The following PRRC2A variants were observed in gnomAD, a reference collection of about 807,000 sequenced individuals.
PRRC2A encodes the protein proline rich coiled-coil 2A.
In PRRC2A, 59 loss-of-function variants were observed where a neutral mutation model predicts 224.6. The ratio of observed to expected loss-of-function variants is 0.26; its 90% confidence interval spans 0.21 to 0.33. PRRC2A has a LOEUF of 0.33. Ranked by LOEUF, PRRC2A falls within the 10% of genes least tolerant of loss-of-function variation. The probability of loss-of-function intolerance (pLI) is 1.00; values close to 1 mark genes in which losing one functional copy is unlikely to be tolerated. For missense variants in PRRC2A, 3,095 were observed against 2,880.7 expected (o/e 1.07, Z -1.70); for synonymous variants, 1,194 against 1,109.5 (o/e 1.08, Z -1.51).
At position 31,637,484 on chromosome 6, in the gene PRRC2A, T is replaced by C. The variant is rs927529907; in HGVS notation, c.6372T>C (p.Pro2124=). The C allele has an allele frequency of 8.3e-6, 13 of 1,573,762 alleles. No homozygotes were observed. The highest frequency in any genetic ancestry group is 1.0e-5 in the Non-Finnish European group (12 of 1,159,350). Reference sequence around the variant, plus strand: ...ATGCCCTGCGCTGGATACCTAAGCCTTGGGAGCGGACAGGGCCGCCACCTC... The same window carrying C: ...ATGCCCTGCGCTGGATACCTAAGCCCTGGGAGCGGACAGGGCCGCCACCTC... ...PPDALRWIPK[P]WERTGPPPRE... is the part of the protein sequence containing the mutation. Residue 2124 remains proline (P), a synonymous_variant, in exon 31 of 31, where the codon CCT becomes CCC. Coordinates refer to ENST00000376033, the MANE Select transcript of PRRC2A (RefSeq NM_004638.4).
In PRRC2A at chr6:31,631,649, G is replaced by A. The variant is rs1162657593; in HGVS notation, c.2976G>A (p.Gly992=). The A allele has an allele frequency of 1.1e-5, 16 of 1,515,450 alleles. No homozygotes were observed. The highest frequency in any genetic ancestry group is 1.4e-5 in the Non-Finnish European group (16 of 1,134,226). 93.9% of individuals were successfully genotyped at this position (1,515,450 alleles called of 1,614,324 possible). Residue 992 remains glycine (G), a synonymous_variant, in exon 16 of 31, where the codon GGG becomes GGA. Coordinates refer to ENST00000376033, the MANE Select transcript of PRRC2A (RefSeq NM_004638.4). This position sits in a 1 kb window ranked among gnomAD's most constrained non-coding sequence, Gnocchi z 4.5. The part of the protein sequence containing the change: ...DPLKITKGKL[G]GPKETPPNGN... The stretch of plus-strand genomic sequence containing the variant: ...TCAAGATAACCAAGGGGAAGCTAGG[G>A]GGCCCCAAGGAGACCCCACCCAATG...
rs1776579274 is a variant in PRRC2A, at chr6:31,631,534, A to G, written c.2861A>G (p.Lys954Arg). The change falls in exon 16 of 31, where the codon AAA becomes AGA. Residue 954 changes from lysine (K) to arginine (R), a missense_variant. By Grantham distance (26) the Lys-to-Arg change is conservative (BLOSUM62 2). Transcript: ENST00000376033. The surrounding 1 kb of genome is among the most constrained non-coding windows in gnomAD (Gnocchi z 4.5). ...APPRRAGPIK[K>R]PPPPTKVEEL... The stretch of plus-strand genomic sequence containing the variant: ...CCCCGCCGGGCTGGGCCTATAAAGA[A>G]ACCTCCACCACCTACAAAAGTAGAA... 1 of 1,595,222 alleles carries G rather than the reference A, an allele frequency of 6.3e-7. No homozygotes were observed. Among genetic ancestry groups the G allele is most frequent in the East Asian group, 2.2e-5 (1 of 44,670 alleles).
rs777743606 is a variant in PRRC2A at position 31,627,832 on chromosome 6, G to A, written c.1358G>A (p.Arg453Gln). The A allele has an allele frequency of 7.4e-6, 12 of 1,612,974 alleles. No homozygotes were observed. Among genetic ancestry groups the A allele is most frequent in the South Asian group, 3.3e-5 (3 of 91,088 alleles). ...GAGGATGAGGCATGGCGGCAGCGAC[G>A]AAAGCAGTCGTCATCTGAGATTTCC... ...EDEDEAWRQR[R>Q]KQSSSEISLA... Residue 453 changes from arginine (R) to glutamine (Q), a missense_variant, in exon 12 of 31, where the codon CGA becomes CAA. By Grantham distance (43) the Arg-to-Gln change is conservative (BLOSUM62 1). Around this residue, in one of 8 missense-constraint regions of PRRC2A, gnomAD observed 2,001 missense variants for 1,764.9 expected, o/e 1.13. Transcript: ENST00000376033. The surrounding 1 kb of genome is among the most constrained non-coding windows in gnomAD (Gnocchi z 5.6).
chr6:31,626,931 G>A, intron 10 of PRRC2A, 51 bp from the exon 11 acceptor site: 1 of 1,608,064 alleles, frequency 6.2e-7, no homozygotes, highest in Non-Finnish European at 8.5e-7. Context: ...TACTCTTAGA[G>A]GAGTATATTA....
At chr6:31,623,146 T>G (rs1467155406) in intron 2 of PRRC2A, 1 of 747,734 alleles carries the variant, frequency 1.3e-6, no homozygotes, top group Non-Finnish European at 2.5e-6. Context: ...AAAATAAATG[T>G]GGATTTGGGA....
rs1374687726 is a variant in PRRC2A, at chr6:31,635,439, A to G, written c.5347A>G (p.Lys1783Glu). Reference protein sequence around the residue: ...LVVGDSLKAEKELTASVTEAI... With the variant: ...LVVGDSLKAEEELTASVTEAI... ...GGTAGGAGACAGCTTGAAAGCAGAG[A>G]AGGAGCTAACAGCATCAGTCACTGA... is the stretch of plus-strand genomic sequence containing the variant. The change falls in exon 23 of 31, where the codon AAG becomes GAG. Residue 1783 changes from lysine to glutamate, a missense_variant. Around this residue, in one of 8 missense-constraint regions of PRRC2A, gnomAD observed 662 missense variants for 609.5 expected, o/e 1.09. Coordinates refer to ENST00000376033, the MANE Select transcript of PRRC2A (RefSeq NM_004638.4). The G allele has an allele frequency of 1.9e-6, 3 of 1,614,080 alleles. No homozygotes were observed. The highest frequency in any genetic ancestry group is 1.7e-5 in the Admixed American group (1 of 60,010).
chr6:31,629,054 G>C, intron 12 of PRRC2A, 90 bp from the exon 13 acceptor site: 1 of 1,306,066 alleles, frequency 7.7e-7, no homozygotes, highest in Non-Finnish European at 1.1e-6. Flanking sequence ...TAGTCTTAAG[G>C]GAGCTAGAGA....
rs765588462 is a variant in PRRC2A, at chr6:31,627,168, C to T, written c.1260C>T (p.Ala420=). Residue 420 remains alanine (A), a synonymous_variant, in exon 11 of 31, where the codon GCC becomes GCT. Coordinates refer to ENST00000376033, the MANE Select transcript of PRRC2A (RefSeq NM_004638.4). This position sits in a 1 kb window ranked among gnomAD's most constrained non-coding sequence, Gnocchi z 5.6. ...TACCCCCACCTCACCGGGGCCCCGC[C>T]GGGAACTGGGGCCCCCCTGGGGACT... is the stretch of plus-strand genomic sequence containing the variant. ...PPLPPPHRGP[A]GNWGPPGDYP... 4.0e-5 allele frequency: 64 copies of T among 1,612,764 alleles called. No individual in the cohort carries two copies. The highest frequency in any genetic ancestry group is 4.9e-5 in the Non-Finnish European group (58 of 1,179,488).
chr6:31,624,733 C>G (rs1400135310), intron 5 of PRRC2A, among the ~76,000 whole-genome samples: 1 of 151,958 alleles, frequency 6.6e-6, no homozygotes, highest in Non-Finnish European at 1.5e-5. Flanking sequence ...GGGGAATAAG[C>G]AGTTATTCTG....
intron 5 of PRRC2A, 44 bp downstream of exon 5, chr6:31,624,566 G>A: frequency 6.4e-7 from 1 of 1,560,134 alleles, no homozygotes; most frequent in Non-Finnish European, 8.8e-7. Flanking sequence ...GGGCACCATG[G>A]GATGCATGAA....
rs1776492215 is a variant in PRRC2A at position 31,631,044 on chromosome 6, A to G, written c.2466-95A>G. 2.3e-6 allele frequency: 3 copies of G among 1,328,380 alleles called. No homozygotes were observed. The South Asian group carries it at 4.3e-5, about 19-fold the overall frequency. The allele number at this position is 1,328,380 out of a possible 1,614,324, so 82.3% of individuals were successfully genotyped here. Reference sequence around the variant, plus strand: ...CTGCCAAAACAAACAGAAAAATAGTAAAAGAGAGTCTGCATCATAATAAAG... The same window carrying G: ...CTGCCAAAACAAACAGAAAAATAGTGAAAGAGAGTCTGCATCATAATAAAG... On this transcript the variant is annotated intron_variant, in intron 15 of 30. Coordinates refer to ENST00000376033, the MANE Select transcript of PRRC2A (RefSeq NM_004638.4). This position sits in a 1 kb window ranked among gnomAD's most constrained non-coding sequence, Gnocchi z 4.5.
chr6:31,621,536 TATTC>T (rs2150486413), intron 1 of PRRC2A, among the ~76,000 whole-genome samples: 1 of 152,198 alleles, frequency 6.6e-6, no homozygotes, highest in South Asian at 2.1e-4. Context: ...CCTGCTTTCG[TATTC>T]ATTATTTTCT....
In PRRC2A at chr6:31,623,888, A is replaced by C; in HGVS notation, c.269A>C (p.Gln90Pro). The change falls in exon 3 of 31, where the codon CAG (glutamine) becomes CCG (proline). Residue 90 changes from glutamine to proline, a missense_variant. By Grantham distance (76) the Gln-to-Pro change is moderately conservative (BLOSUM62 -1). Transcript: ENST00000376033. ...PKDGTGWASK[Q>P]EQSDPKSSDA... ...GACGGAACAGGATGGGCAAGCAAAC[A>C]GGAGCAGTCCGACCCCAAGAGGTAG... is the stretch of plus-strand genomic sequence containing the variant. 1 of 1,614,196 alleles carries C rather than the reference A, an allele frequency of 6.2e-7. No homozygotes were observed. The highest frequency in any genetic ancestry group is 8.5e-7 in the Non-Finnish European group (1 of 1,180,026).
chr6:31,634,664 C>T, intron 20 of PRRC2A, 89 bp from the exon 21 acceptor site: 1 of 1,565,578 alleles, frequency 6.4e-7, no homozygotes. Context: ...ACTTGGCTGT[C>T]CCCTTTCTGC....
intron 1 of PRRC2A, 27 bp from the exon 2 acceptor site, chr6:31,622,663 T>C (rs1775422779): frequency 1.5e-6 from 1 of 680,532 alleles, no homozygotes; most frequent in Non-Finnish European, 2.6e-6. Flanking sequence ...CAATGGAGTT[T>C]TTAAGTTTCT....
At position 31,622,722 on chromosome 6, in the gene PRRC2A, C is replaced by A; in HGVS notation, c.-68C>A. On this transcript the variant is annotated 5_prime_UTR_variant, in exon 2 of 31. Transcript: ENST00000376033. ...AGACTGAGACACTTGCTGTCTGGCC[C>A]ACAGGCTCTGGCACGTTTTGGGGGA... The A allele has an allele frequency of 1.7e-6, 2 of 1,208,368 alleles. No individual in the cohort carries two copies. The highest frequency in any genetic ancestry group is 1.2e-6 in the Non-Finnish European group (1 of 821,872). The allele number at this position is 1,208,368 out of a possible 1,614,324, so 74.9% of individuals were successfully genotyped here.
At chr6:31,629,001 A>C (rs1250512875) in intron 12 of PRRC2A, 143 bp from the exon 13 acceptor site, 2 of 855,362 alleles carry the variant, frequency 2.3e-6, no homozygotes, top group African/African-American at 3.4e-5. Flanking sequence ...ATGGGTCTTA[A>C]ATGGGAGGGG....
rs1277559844 is a variant in PRRC2A at position 31,636,494 on chromosome 6, C to T, written c.5836-16C>T. 6.2e-7 allele frequency: 1 copy of T among 1,608,970 alleles called. No individual in the cohort carries two copies. Among genetic ancestry groups the T allele is most frequent in the South Asian group, 1.1e-5 (1 of 90,944 alleles). On this transcript the variant is annotated splice_polypyrimidine_tract_variant and intron_variant, in intron 26 of 30. Transcript: ENST00000376033. This position sits in a 1 kb window ranked among gnomAD's most constrained non-coding sequence, Gnocchi z 4.3. ...ATTTTGTGGGGGTTGATATATTTCT[C>T]CCTGTTTCCCGACAGGTACGCCAGG...
At chr6:31,634,121 C>T (rs1241195963) in intron 18 of PRRC2A, 115 bp from the exon 19 acceptor site, 14 of 1,563,422 alleles carry the variant, frequency 9.0e-6, no homozygotes, top group Non-Finnish European at 1.0e-5. Context: ...TATTAGTCTC[C>T]CATGTGTCTC....
Sources: gnomAD v4.1 joint callset for allele counts (sites outside exome capture counted in the v4.1 genomes callset) on GRCh38, gnomAD v4.1.1 for gene constraint, gnomAD v4.1.1 regional missense constraint, Gnocchi (gnomAD v3.1) non-coding constraint, MANE v1.5 for transcripts, NCBI Gene and HGNC (gene_info 2026-07-23, HGNC 2026-07-21) for gene names.